VPS53: variants seen among roughly 807,000 people sequenced by gnomAD.
The protein encoded by VPS53 is VPS53 subunit of GARP complex.
In VPS53, 70 loss-of-function variants were observed where a neutral mutation model predicts 107.0. The observed-to-expected ratio is 0.65, with a 90% confidence interval of 0.54 to 0.80. The LOEUF (loss-of-function observed/expected upper bound fraction) is 0.80, where lower values mean the gene tolerates loss of function less well. VPS53 is among the 30% of genes least tolerant of loss of function. VPS53 has a pLI of 0.00. For synonymous variants in VPS53, 409 were observed against 393.3 expected, an observed-to-expected ratio of 1.04 and a Z score of -0.47; for missense variants, 917 against 1,049.4, an observed-to-expected ratio of 0.87 and a Z score of 1.74.
chr17:689,456 C>A (rs1972702080), intron 4 of VPS53, among the ~76,000 whole-genome samples: 1 of 146,132 alleles, frequency 6.8e-6, no homozygotes, highest in Non-Finnish European at 1.5e-5. Flanking sequence ...TGCCACCATG[C>A]TGGACTAATT....
chr17:571,095 T>C (rs1020715634), intron 13 of VPS53, among the ~76,000 whole-genome samples: 20 of 152,118 alleles, frequency 1.3e-4, no homozygotes, highest in African/African-American at 4.6e-4. Context: ...AGCAGATCAC[T>C]TGAGCCCAGG....
rs373493097 is a variant in VPS53 at position 576,999 on chromosome 17, T to C, written c.1313+9271A>G. 5.5e-5 allele frequency among the ~76,000 whole-genome samples: 8 copies of C among 145,170 alleles called. No individual in the cohort carries two copies. In the East Asian group the frequency reaches 1.7e-3, roughly 31 times the overall value. On this transcript the variant is annotated intron_variant, in intron 13 of 21. Coordinates refer to ENST00000437048, the MANE Select transcript of VPS53 (RefSeq NM_001128159.3). Reference sequence around the variant, plus strand: ...TCAATGACTTAGCAGAGAACCTCCCTCAGGACCTCAATGCATTCCCAGAAA... The same window carrying C: ...TCAATGACTTAGCAGAGAACCTCCCCCAGGACCTCAATGCATTCCCAGAAA...
chr17:687,146 G>A (rs1485358141), intron 4 of VPS53, among the ~76,000 whole-genome samples: 3 of 152,210 alleles, frequency 2.0e-5, no homozygotes, highest in South Asian at 2.1e-4. Flanking sequence ...CTAGCCAGGC[G>A]TGGTGGTGGT....
At position 714,680 on chromosome 17, in the gene VPS53, C is replaced by T. The variant is rs749495874; in HGVS notation, c.30G>A (p.Val10=). 1.9e-6 allele frequency: 3 copies of T among 1,613,368 alleles called. No individual in the cohort carries two copies. Among genetic ancestry groups the T allele is most frequent in the South Asian group, 2.2e-5 (2 of 91,070 alleles). Residue 10 remains valine (V), a synonymous_variant, in exon 1 of 22, where the codon GTG becomes GTA. Coordinates refer to ENST00000437048, the MANE Select transcript of VPS53 (RefSeq NM_001128159.3). ...GCTGCAGCACGGCTTCCAGCTCCTCCACGAACTCCAGTTCCTCCTCCTCCA... is the reference window on the plus strand; with the variant it reads ...GCTGCAGCACGGCTTCCAGCTCCTCTACGAACTCCAGTTCCTCCTCCTCCA... The part of the protein sequence containing the change: MMEEEELEF[V]EELEAVLQLT...
intron 4 of VPS53, among the ~76,000 whole-genome samples, chr17:670,545 C>G (rs560349553): frequency 6.6e-6 from 1 of 152,220 alleles, no homozygotes; most frequent in Admixed American, 6.5e-5. Context: ...TCTCTTTTTC[C>G]TTTTTTTGCA....
chr17:594,035 C>T (rs1967819850), intron 12 of VPS53, among the ~76,000 whole-genome samples: 1 of 152,186 alleles, frequency 6.6e-6, no homozygotes, highest in African/African-American at 2.4e-5. Context: ...TGGAAATCAT[C>T]ATTCTCAGTA....
Position 714,825 on chromosome 17 carries a change from G to T in VPS53, c.-116C>A. 2 of 1,165,914 alleles carry T rather than the reference G, an allele frequency of 1.7e-6. No homozygotes were observed. The highest frequency in any genetic ancestry group is 1.3e-5 in the South Asian group (1 of 79,600). 72.2% of individuals were successfully genotyped at this position (1,165,914 alleles called of 1,614,324 possible). On this transcript the variant is annotated 5_prime_UTR_variant, in exon 1 of 22. Transcript: ENST00000437048. ...GCAGCGACCTGGTGAGCCCGGCTCCGTCAGCCGCTCTGTCAGCCGCTCCGG... is the reference window on the plus strand; with the variant it reads ...GCAGCGACCTGGTGAGCCCGGCTCCTTCAGCCGCTCTGTCAGCCGCTCCGG...
chr17:661,791 G>A lies in VPS53; in HGVS notation c.372+18C>T. 1 of 1,549,970 alleles carries A rather than the reference G, an allele frequency of 6.5e-7. No individual in the cohort carries two copies. The highest frequency in any genetic ancestry group is 8.7e-7 in the Non-Finnish European group (1 of 1,145,912). ...TCCTCTTTTGGTGCAAAAAGGTTAG[G>A]AAGAAACCAGAACTCACCATTTGCT... On this transcript the variant is annotated intron_variant, in intron 5 of 21. Transcript: ENST00000437048.
chr17:537,250 G>C (rs910366911), intron 17 of VPS53, 74 bp from the exon 18 acceptor site: 69 of 1,539,546 alleles, frequency 4.5e-5, no homozygotes, highest in South Asian at 1.1e-4. Flanking sequence ...GGAAGGGAGG[G>C]GCTGGAGTGG....
chr17:584,691 T>C (rs1597342302), intron 13 of VPS53, among the ~76,000 whole-genome samples: 3 of 152,106 alleles, frequency 2.0e-5, no homozygotes, highest in South Asian at 2.1e-4. Flanking sequence ...TGACTAGTTT[T>C]TTTAAAAAAA....
intron 9 of VPS53, among the ~76,000 whole-genome samples, chr17:627,787 CA>C (rs1969779482): frequency 6.6e-6 from 1 of 152,082 alleles, no homozygotes; most frequent in Non-Finnish European, 1.5e-5. Flanking sequence ...CACACACACA[CA>C]CACACACACA....
Position 520,734 on chromosome 17 carries a change from A to G in VPS53, c.2224-804T>C, listed in dbSNP as rs1207318606. Among the ~76,000 whole-genome samples the G allele has an allele frequency of 6.6e-6, 1 of 152,082 alleles. No individual in the cohort carries two copies. Among genetic ancestry groups the G allele is most frequent in the Admixed American group, 6.5e-5 (1 of 15,286 alleles). ...ACCACAGGCTCTCCTCCCCAGCAGT[A>G]AGCAGCAGGGAAAGAACATGATGAG... On this transcript the variant is annotated intron_variant, in intron 20 of 21. Coordinates refer to ENST00000437048, the MANE Select transcript of VPS53 (RefSeq NM_001128159.3). This position sits in a 1 kb window ranked among gnomAD's most constrained non-coding sequence, Gnocchi z 4.4.
At chr17:665,284 G>A (rs1012863515) in intron 4 of VPS53, among the ~76,000 whole-genome samples, 6 of 151,936 alleles carry the variant, frequency 3.9e-5, no homozygotes, top group African/African-American at 1.5e-4. Flanking sequence ...ACGACATGGT[G>A]AGAAGGCGCT....
At chr17:590,879 G>T (rs979546724) in intron 12 of VPS53, among the ~76,000 whole-genome samples, 3 of 151,774 alleles carry the variant, frequency 2.0e-5, no homozygotes, top group Non-Finnish European at 4.4e-5. Context: ...GTATCAGGAT[G>T]ATGCTGGCCT....
chr17:560,267 C>A (rs1388779239), intron 15 of VPS53, among the ~76,000 whole-genome samples, 159 bp downstream of exon 15: 1 of 152,238 alleles, frequency 6.6e-6, no homozygotes, highest in African/African-American at 2.4e-5. Context: ...GCCTGGGCAG[C>A]CTTATGGCTG....
At chr17:579,999 C>A (rs1360663535) in intron 13 of VPS53, among the ~76,000 whole-genome samples, 1 of 151,630 alleles carries the variant, frequency 6.6e-6, no homozygotes, top group African/African-American at 2.4e-5. Context: ...AAACCTCCCT[C>A]AGGACCTAAT....
In VPS53 at chr17:519,766, TTAAG is replaced by T; in HGVS notation, c.2328+56_2328+59del. 7.8e-7 allele frequency: 1 copy of T among 1,290,280 alleles called. No homozygotes were observed. Among genetic ancestry groups the T allele is most frequent in the Non-Finnish European group, 1.1e-6 (1 of 911,542 alleles). The allele number at this position is 1,290,280 out of a possible 1,614,324, so 79.9% of individuals were successfully genotyped here. A position where few individuals can be genotyped will look rare whatever the true frequency, so the allele number is the denominator to read the frequency against. ...CCGGAACTTATATCCCAATTCCCGG[TTAAG>T]AACCGCTGAGTGTGAGGGGGATGAG... On this transcript the variant is annotated intron_variant, in intron 21 of 21. Coordinates refer to ENST00000437048, the MANE Select transcript of VPS53 (RefSeq NM_001128159.3). The surrounding 1 kb of genome is among the most constrained non-coding windows in gnomAD (Gnocchi z 5.0).
chr17:680,658 A>G (rs1972357496), intron 4 of VPS53, among the ~76,000 whole-genome samples: 2 of 152,212 alleles, frequency 1.3e-5, no homozygotes, highest in South Asian at 4.1e-4. Flanking sequence ...AAGAATCGGG[A>G]AACAAGACAA....
chr17:571,839 T>C (rs939021635), intron 13 of VPS53, among the ~76,000 whole-genome samples: 1 of 152,226 alleles, frequency 6.6e-6, no homozygotes, highest in Admixed American at 6.5e-5. Context: ...TCTGGTTCAC[T>C]CAGTGCTCAA....
Sources: allele counts gnomAD v4.1 joint callset (sites outside exome capture counted in the v4.1 genomes callset), GRCh38; gene constraint gnomAD v4.1.1; non-coding constraint Gnocchi (gnomAD v3.1); transcripts MANE v1.5; gene names NCBI Gene and HGNC (gene_info 2026-07-23, HGNC 2026-07-21).